Variants in URB1 observed in about 807,000 individuals in gnomAD.
The protein encoded by URB1 is URB1 ribosome biogenesis factor.
URB1 carries 197 observed loss-of-function variants against 242.3 expected under a neutral mutation model. The ratio of observed to expected loss-of-function variants is 0.81; its 90% CI spans 0.72 to 0.91. URB1 has a LOEUF of 0.91. URB1 is among the 40% of genes least tolerant of loss of function. The pLI is 0.00. For synonymous variants in URB1, 1,153 were observed against 1,201.8 expected (o/e 0.96, Z 0.84); for missense variants, 2,721 against 2,860.5 (o/e 0.95, Z 1.11).
intron 11 of URB1, 27 bp from the exon 12 acceptor site, chr21:32,362,048 T>C: frequency 6.5e-7 from 1 of 1,549,690 alleles, no homozygotes; most frequent in South Asian, 1.2e-5. Context: ...AGCAGAACAT[T>C]AGTTGTAGTC....
chr21:32,379,226 C>G (rs2033494553), intron 4 of URB1, among the ~76,000 whole-genome samples: 2 of 152,194 alleles, frequency 1.3e-5, no homozygotes, highest in Admixed American at 1.3e-4. Flanking sequence ...CTCCCAGTAT[C>G]ATTAAGACAA....
At position 32,325,330 on chromosome 21, in the gene URB1, C is replaced by T. The variant is rs1285543683; in HGVS notation, c.5020G>A (p.Ala1674Thr). The T allele has an allele frequency of 2.6e-6, 4 of 1,551,594 alleles. No individual in the cohort carries two copies. The highest frequency in any genetic ancestry group is 2.6e-6 in the Non-Finnish European group (3 of 1,146,998). The change falls in exon 31 of 39, where the codon GCC (alanine) becomes ACC (threonine). Residue 1674 changes from alanine to threonine, a missense_variant. Coordinates refer to ENST00000382751, the MANE Select transcript of URB1 (RefSeq NM_014825.3). ...DSNALGLTVT[A>T]LSSYDPQMRA... ...ATCTGGGGGTCATAGCTGCTGAGGG[C>T]TGTGACAGTTAGGCCCAGAGCATTT... is the stretch of plus-strand genomic sequence containing the variant.
intron 10 of URB1, 133 bp from the exon 11 acceptor site, chr21:32,363,462 CT>C: frequency 8.6e-7 from 1 of 1,168,600 alleles, no homozygotes; most frequent in Non-Finnish European, 1.2e-6. Flanking sequence ...GGTCTCTACG[CT>C]CTGAGAAGAG....
chr21:32,323,553 C>T lies in URB1; in HGVS notation c.5233+938G>A, dbSNP rs575096674. Reference sequence around the variant, plus strand: ...ATTACACATGTGCAGTACTCACATACCAAAAGCTTTGTAGCTAAGGACCCG... The same window carrying T: ...ATTACACATGTGCAGTACTCACATATCAAAAGCTTTGTAGCTAAGGACCCG... On this transcript the variant is annotated intron_variant, in intron 32 of 38. Transcript: ENST00000382751. Among the ~76,000 whole-genome samples, 3 of 152,308 alleles carry T rather than the reference C, an allele frequency of 2.0e-5. No homozygotes were observed. The South Asian group carries it at 6.2e-4, about 32-fold the overall frequency.
intron 22 of URB1, among the ~76,000 whole-genome samples, 183 bp downstream of exon 22, chr21:32,346,773 A>C (rs1433563681): frequency 6.6e-6 from 1 of 152,198 alleles, no homozygotes; most frequent in East Asian, 1.9e-4. Flanking sequence ...GGGAGACTGA[A>C]GGGAGACAGG....
Position 32,334,292 on chromosome 21 carries a change from C to T in URB1, c.4728G>A (p.Thr1576=), listed in dbSNP as rs79771468. ...WGPAAVEHHK[T]CRSLGRSLWQ... is the part of the protein sequence containing the mutation. Reference sequence around the variant, plus strand: ...ACAGTGACCTGCCCAGGCTCCGGCACGTCTTGTGATGCTCCACGGCCGCTG... The same window carrying T: ...ACAGTGACCTGCCCAGGCTCCGGCATGTCTTGTGATGCTCCACGGCCGCTG... The change falls in exon 29 of 39, where the codon ACG becomes ACA. Residue 1576 remains threonine (T), a synonymous_variant. Transcript: ENST00000382751. The T allele has an allele frequency of 1.9e-3, 2,998 of 1,551,422 alleles. 34 individuals carry two copies. In the African/African-American group the frequency reaches 0.031, roughly 16 times the overall value.
chr21:32,317,183 G>T, intron 37 of URB1, 118 bp from the exon 38 acceptor site: 1 of 1,377,542 alleles, frequency 7.3e-7, no homozygotes, highest in Non-Finnish European at 9.5e-7. Flanking sequence ...CTGAGCACCC[G>T]GCCCTGCTCC....
intron 32 of URB1, among the ~76,000 whole-genome samples, chr21:32,323,263 A>C (rs1215090946): frequency 6.6e-6 from 1 of 152,206 alleles, no homozygotes; most frequent in Non-Finnish European, 1.5e-5. Flanking sequence ...GAGCAGATGA[A>C]AATGAGATCT....
At chr21:32,348,976 T>C (rs1324471883) in intron 21 of URB1, among the ~76,000 whole-genome samples, 2 of 152,258 alleles carry the variant, frequency 1.3e-5, no homozygotes, top group East Asian at 1.9e-4. Context: ...CCTGTGTGTA[T>C]TTCCTGTGAA....
rs543367440 is a variant in URB1, at chr21:32,368,121, G to A, written c.1197+282C>T. 4.6e-5 allele frequency among the ~76,000 whole-genome samples: 7 copies of A among 152,268 alleles called. No homozygotes were observed. In the East Asian group the frequency reaches 1.4e-3, roughly 29 times the overall value. ...CTCGCTCTGTCACCCAGGCTGGAGT[G>A]CAGTGGCGCGATCTCAGCTCACTGC... On this transcript the variant is annotated intron_variant, in intron 9 of 38. Transcript: ENST00000382751.
At chr21:32,342,324 G>C (rs899220331) in intron 24 of URB1, among the ~76,000 whole-genome samples, 5 of 152,316 alleles carry the variant, frequency 3.3e-5, no homozygotes, top group Middle Eastern at 6.8e-3. Context: ...TGGCTCCAGA[G>C]AGACCAGCTA....
chr21:32,383,285 C>T, intron 4 of URB1, 137 bp downstream of exon 4: 2 of 1,158,390 alleles, frequency 1.7e-6, no homozygotes, highest in South Asian at 1.7e-5. Flanking sequence ...CCTGTGGCTG[C>T]TGACACACAC....
At chr21:32,337,236 C>A in intron 27 of URB1, 79 bp from the exon 28 acceptor site, 1 of 1,463,958 alleles carries the variant, frequency 6.8e-7, no homozygotes, top group Non-Finnish European at 9.3e-7. Context: ...GCCCTCATAC[C>A]CTCCCTGCTC....
At chr21:32,380,755 T>C (rs2033514018) in intron 4 of URB1, among the ~76,000 whole-genome samples, 1 of 152,230 alleles carries the variant, frequency 6.6e-6, no homozygotes, top group African/African-American at 2.4e-5. Context: ...AAAACTTGCC[T>C]GGCAAAATTA....
At chr21:32,378,674 G>A (rs1000914968) in intron 4 of URB1, 133 bp from the exon 5 acceptor site, 2 of 725,558 alleles carry the variant, frequency 2.8e-6, no homozygotes, top group Admixed American at 4.7e-5. Flanking sequence ...CAGTCACCAG[G>A]GGATGCAAGT....
intron 22 of URB1, among the ~76,000 whole-genome samples, chr21:32,346,695 C>T (rs1311533087): frequency 6.6e-6 from 1 of 152,138 alleles, no homozygotes; most frequent in Non-Finnish European, 1.5e-5. Context: ...ACCCAACTCC[C>T]GCCAGCTTCA....
intron 4 of URB1, among the ~76,000 whole-genome samples, chr21:32,380,849 G>C (rs754633249): frequency 6.6e-6 from 1 of 152,158 alleles, no homozygotes; most frequent in Non-Finnish European, 1.5e-5. Flanking sequence ...CTGGGAGTCA[G>C]GGCCCTGGAA....
chr21:32,373,699 G>T lies in URB1; in HGVS notation c.824C>A (p.Ala275Glu). The T allele has an allele frequency of 3.9e-6, 6 of 1,549,410 alleles. No homozygotes were observed. The highest frequency in any genetic ancestry group is 5.2e-6 in the Non-Finnish European group (6 of 1,146,260). ...FFTGQLLNHI[A>E]SLYNWNGITD... ...AATCCCATTCCAGTTGTACAGCGAT[G>T]CTATGTGGTTCAATAACTGCCCCGT... Residue 275 changes from alanine (A) to glutamate (E), a missense_variant, in exon 7 of 39, where the codon GCA becomes GAA. By Grantham distance (107) the Ala-to-Glu change is moderately radical. Coordinates refer to ENST00000382751, the MANE Select transcript of URB1 (RefSeq NM_014825.3).
Position 32,347,735 on chromosome 21 carries a change from G to A in URB1, c.3089C>T (p.Ala1030Val). The change falls in exon 22 of 39, where the codon GCC becomes GTC. Residue 1030 changes from alanine to valine, a missense_variant. Ala to Val is a moderately conservative substitution (Grantham distance 64, BLOSUM62 0). Transcript: ENST00000382751. ...AGGGCTGAGCGTGTGCGGCGGGAGG[G>A]CCTGCTGCTCCAGGGCCAGGAACCA... ...EGWFLALEQQ[A>V]LPPHTLSPVL... 6.5e-7 allele frequency: 1 copy of A among 1,550,088 alleles called. No homozygotes were observed. The highest frequency in any genetic ancestry group is 8.7e-7 in the Non-Finnish European group (1 of 1,146,988).
Sources: gnomAD v4.1 joint callset for allele counts (sites outside exome capture counted in the v4.1 genomes callset) on GRCh38, gnomAD v4.1.1 for gene constraint, MANE v1.5 for transcripts, NCBI Gene and HGNC (gene_info 2026-07-23, HGNC 2026-07-21) for gene names.